Variants in CCDC102B observed in about 807,000 individuals in gnomAD.
CCDC102B encodes coiled-coil domain-containing protein 102B.
In CCDC102B, 75 loss-of-function variants were observed where a neutral mutation model predicts 57.4. That is an observed-to-expected ratio of 1.31 (90% CI 1.08 to 1.58). CCDC102B has a LOEUF of 1.58. CCDC102B is among the 40% of genes most tolerant of loss of function. CCDC102B has a pLI of 0.00. For synonymous variants in CCDC102B, 206 were observed against 201.9 expected (o/e 1.02, Z -0.17); for missense variants, 636 against 582.6 (o/e 1.09, Z -0.94).
At chr18:68,967,189 G>C (rs1456664608) in intron 6 of CCDC102B, among the ~76,000 whole-genome samples, 1 of 151,868 alleles carries the variant, frequency 6.6e-6, no homozygotes, top group Non-Finnish European at 1.5e-5. Flanking sequence ...TCCCCTCCTG[G>C]GTGCCCTCTC....
At chr18:68,729,792 T>A (rs2032775530) in intron 2 of CCDC102B, among the ~76,000 whole-genome samples, 1 of 152,196 alleles carries the variant, frequency 6.6e-6, no homozygotes, top group African/African-American at 2.4e-5. Context: ...AAGATTGGTT[T>A]ATTAATTGAA....
At chr18:68,960,099 G>A (rs2050008127) in intron 6 of CCDC102B, among the ~76,000 whole-genome samples, 2 of 152,214 alleles carry the variant, frequency 1.3e-5, no homozygotes. Flanking sequence ...GGAATGTGCT[G>A]TGTTACACCT....
intron 6 of CCDC102B, among the ~76,000 whole-genome samples, chr18:68,951,416 T>C (rs1005545048): frequency 1.3e-4 from 20 of 152,278 alleles, no homozygotes; most frequent in Non-Finnish European, 2.1e-4. Flanking sequence ...AATAAAATAT[T>C]TTAAAACTAG....
At chr18:68,991,512 A>G (rs2050866766) in intron 6 of CCDC102B, among the ~76,000 whole-genome samples, 1 of 152,164 alleles carries the variant, frequency 6.6e-6, no homozygotes, top group Non-Finnish European at 1.5e-5. Flanking sequence ...TGCATTTCCC[A>G]CTGAGTATGA....
At chr18:68,861,272 G>T (rs2038741928) in intron 4 of CCDC102B, among the ~76,000 whole-genome samples, 1 of 144,220 alleles carries the variant, frequency 6.9e-6, no homozygotes, top group Non-Finnish European at 1.5e-5. Context: ...TATCACTTGT[G>T]CTTTTTTTCT....
chr18:68,846,433 T>C lies in CCDC102B; in HGVS notation c.936+12T>C. On this transcript the variant is annotated intron_variant, in intron 4 of 7. Coordinates refer to ENST00000360242, the MANE Select transcript of CCDC102B (RefSeq NM_024781.3). ...AAAATGTGAAAGAGGTATGGGGGAA[T>C]ATGATGTAAAGGAAGAAATGAAGCC... 2 of 1,454,092 alleles carry C rather than the reference T, an allele frequency of 1.4e-6. No individual in the cohort carries two copies. Among genetic ancestry groups the C allele is most frequent in the Non-Finnish European group, 1.9e-6 (2 of 1,062,178 alleles). 90.1% of individuals were successfully genotyped at this position (1,454,092 alleles called of 1,614,324 possible).
At chr18:69,050,019 A>C (rs759174391) in intron 7 of CCDC102B, among the ~76,000 whole-genome samples, 1 of 151,938 alleles carries the variant, frequency 6.6e-6, no homozygotes, top group Non-Finnish European at 1.5e-5. Flanking sequence ...TATGTTGACT[A>C]GGCTAGTCTG....
intron 2 of CCDC102B, among the ~76,000 whole-genome samples, chr18:68,757,389 A>G (rs991914487): frequency 6.6e-6 from 1 of 152,176 alleles, no homozygotes; most frequent in African/African-American, 2.4e-5. Flanking sequence ...TCAAAAATAG[A>G]CTTAATCTAA....
chr18:68,825,444 C>T lies in CCDC102B; in HGVS notation c.-15-11305C>T, dbSNP rs573630896. On this transcript the variant is annotated intron_variant, in intron 1 of 7. Transcript: ENST00000360242. ...CCAGGCGGGGTCTGTAATCCCCGCA[C>T]TTTGGGAGGCCGAGGTGGGCAGTTC... Among the ~76,000 whole-genome samples, 12 of 152,206 alleles carry T rather than the reference C, an allele frequency of 7.9e-5. No homozygotes were observed. In the South Asian group the frequency reaches 2.5e-3, roughly 32 times the overall value.
At chr18:68,966,681 T>TG (rs1223189256) in intron 6 of CCDC102B, among the ~76,000 whole-genome samples, 2 of 152,232 alleles carry the variant, frequency 1.3e-5, no homozygotes, top group East Asian at 1.9e-4. Context: ...AGTGTGGTGT[T>TG]GGGGGGCAGG....
At chr18:68,755,944 G>A (rs1356135675) in intron 2 of CCDC102B, among the ~76,000 whole-genome samples, 2 of 151,400 alleles carry the variant, frequency 1.3e-5, no homozygotes, top group Admixed American at 1.3e-4. Context: ...ATATCAAACT[G>A]TAGATAAAAG....
At chr18:68,724,214 G>A (rs1284722170) in intron 2 of CCDC102B, among the ~76,000 whole-genome samples, 1 of 152,136 alleles carries the variant, frequency 6.6e-6, no homozygotes, top group Non-Finnish European at 1.5e-5. Context: ...CCCTAAGCTT[G>A]GCCCACAAAA....
At chr18:68,842,580 G>A (rs186711520) in intron 3 of CCDC102B, among the ~76,000 whole-genome samples, 13 of 152,134 alleles carry the variant, frequency 8.5e-5, no homozygotes, top group South Asian at 4.2e-4. Context: ...AGCCAATACC[G>A]CAAGGCAATA....
rs546372800 is a variant in CCDC102B, at chr18:68,723,511, G to A, written c.-67+6917G>A. 1.1e-3 allele frequency among the ~76,000 whole-genome samples: 173 copies of A among 152,302 alleles called. 1 individual carries two copies. The highest frequency in any genetic ancestry group is 9.3e-4 in the Non-Finnish European group (63 of 68,038). The stretch of plus-strand genomic sequence containing the variant: ...GTTACTTCCTACATACAATGAGGGC[G>A]CAAGGATTGGATAAATACAACCATT... On this transcript the variant is annotated intron_variant, in intron 2 of 3. Transcript: ENST00000578970.
chr18:68,998,422 T>C (rs989070710), intron 6 of CCDC102B, among the ~76,000 whole-genome samples: 27 of 57,768 alleles, frequency 4.7e-4, no homozygotes, highest in African/African-American at 9.9e-4. Flanking sequence ...ATATAGTATA[T>C]ATATAATATA....
At chr18:68,754,105 CATATT>C (rs2033959621) in intron 2 of CCDC102B, 1 of 151,970 alleles carries the variant, frequency 6.6e-6, no homozygotes, top group African/African-American at 2.4e-5. Flanking sequence ...AACAGAAAAA[CATATT>C]ATTACTTGGG....
intron 2 of CCDC102B, among the ~76,000 whole-genome samples, chr18:68,726,510 T>C (rs2032602202): frequency 6.6e-6 from 1 of 152,240 alleles, no homozygotes; most frequent in Non-Finnish European, 1.5e-5. Flanking sequence ...ATAACTTTAA[T>C]AGCTTCAGAA....
chr18:68,821,753 A>G (rs1452288311), intron 1 of CCDC102B, among the ~76,000 whole-genome samples: 1 of 152,042 alleles, frequency 6.6e-6, no homozygotes, highest in Non-Finnish European at 1.5e-5. Flanking sequence ...GAAAATCAGT[A>G]GATGTTAATT....
upstream of CCDC102B, among the ~76,000 whole-genome samples, chr18:68,796,078 A>G (rs1167764075): frequency 6.6e-6 from 1 of 152,198 alleles, no homozygotes; most frequent in Admixed American, 6.5e-5. Context: ...CATGGACTTC[A>G]AGTGCATAAG....
Sources: allele counts gnomAD v4.1 joint callset (sites outside exome capture counted in the v4.1 genomes callset), GRCh38; gene constraint gnomAD v4.1.1; transcripts MANE v1.5; gene names NCBI Gene and HGNC (gene_info 2026-07-23, HGNC 2026-07-21).